The following GRID1 variants were observed in gnomAD, a reference collection of about 807,000 sequenced individuals.
GRID1 encodes the protein glutamate receptor ionotropic, delta-1.
GRID1 carries 28 observed loss-of-function variants against 98.0 expected under a neutral mutation model. The ratio of observed to expected loss-of-function variants is 0.29; its 90% CI spans 0.21 to 0.39. GRID1 has a LOEUF of 0.39. Among genes scored for constraint, GRID1 ranks in the 10% least tolerant of loss-of-function variants. The pLI is 1.00. For synonymous variants in GRID1, 553 were observed against 538.5 expected (o/e 1.03, Z -0.37); for missense variants, 1,111 against 1,340.5 (o/e 0.83, Z 2.67).
chr10:85,825,399 C>G (rs1221842992), intron 8 of GRID1, among the ~76,000 whole-genome samples: 2 of 148,924 alleles, frequency 1.3e-5, no homozygotes, highest in East Asian at 3.9e-4. Context: ...TTTTTTCTTG[C>G]TGATTTATTT....
At chr10:86,068,059 GTGTTAGACACTT>G (rs1402235393) in intron 4 of GRID1, among the ~76,000 whole-genome samples, 1 of 152,220 alleles carries the variant, frequency 6.6e-6, no homozygotes. Context: ...GCCTGGCTCT[GTGTTAGACACTT>G]TCCATTCACT....
chr10:86,301,824 A>G (rs182313303), intron 2 of GRID1, among the ~76,000 whole-genome samples: 73 of 152,366 alleles, frequency 4.8e-4, no homozygotes, highest in African/African-American at 1.7e-3. Context: ...CAGTACTATT[A>G]AAAAGAGCAG....
chr10:86,049,361 A>G (rs556414393), intron 4 of GRID1, among the ~76,000 whole-genome samples: 1 of 152,284 alleles, frequency 6.6e-6, no homozygotes, highest in South Asian at 2.1e-4. Context: ...ACTTGACCCA[A>G]CGTTCCAGCA....
chr10:85,701,784 G>A (rs568025823), intron 12 of GRID1, among the ~76,000 whole-genome samples: 20 of 152,228 alleles, frequency 1.3e-4, no homozygotes, highest in Admixed American at 3.9e-4. Context: ...GCTATGAGGA[G>A]GAAAAACATA....
chr10:86,154,410 A>G (rs1355565387), intron 3 of GRID1, among the ~76,000 whole-genome samples: 1 of 152,082 alleles, frequency 6.6e-6, no homozygotes, highest in Admixed American at 6.5e-5. Flanking sequence ...AGGAGGTCTG[A>G]TTCTGTCCAG....
chr10:85,904,019 A>G (rs930185334), intron 5 of GRID1, among the ~76,000 whole-genome samples: 16 of 152,218 alleles, frequency 1.1e-4, no homozygotes, highest in African/African-American at 3.9e-4. Flanking sequence ...TTTTTGCCTT[A>G]CATGATTGTA....
chr10:85,740,814 C>T (rs368624980), intron 8 of GRID1, among the ~76,000 whole-genome samples: 2 of 151,678 alleles, frequency 1.3e-5, no homozygotes, highest in East Asian at 1.9e-4. Flanking sequence ...TGCAGTGGCA[C>T]GATCTTAGCT....
Position 85,789,417 on chromosome 10 carries a change from T to C in GRID1, c.1234-59803A>G, listed in dbSNP as rs962774857. ...TGGGCAGCACTATCCAGGAGAATCATGGATAATATAGAGGTGTCTCTCTCC... is the reference window on the plus strand; with the variant it reads ...TGGGCAGCACTATCCAGGAGAATCACGGATAATATAGAGGTGTCTCTCTCC... On this transcript the variant is annotated intron_variant, in intron 8 of 15. Transcript: ENST00000327946. 4.6e-5 allele frequency among the ~76,000 whole-genome samples: 7 copies of C among 152,036 alleles called. No homozygotes were observed. In the East Asian group the frequency reaches 5.8e-4, roughly 13 times the overall value.
At chr10:85,671,066 G>A (rs1365467934) in intron 12 of GRID1, among the ~76,000 whole-genome samples, 1 of 152,114 alleles carries the variant, frequency 6.6e-6, no homozygotes, top group East Asian at 1.9e-4. Context: ...CAAATATAAA[G>A]TCTTAGTACT....
chr10:85,730,770 T>C (rs537102296), intron 8 of GRID1, among the ~76,000 whole-genome samples: 7 of 152,244 alleles, frequency 4.6e-5, no homozygotes, highest in African/African-American at 1.7e-4. Context: ...CAAACTATGA[T>C]ATCCACACAA....
At chr10:85,735,348 T>C (rs912998969) in intron 8 of GRID1, among the ~76,000 whole-genome samples, 4 of 152,184 alleles carry the variant, frequency 2.6e-5, no homozygotes, top group African/African-American at 9.6e-5. Flanking sequence ...GAAATGTGGA[T>C]GGAGCCAGAG....
chr10:86,269,704 C>T (rs1217756333), intron 2 of GRID1, among the ~76,000 whole-genome samples: 1 of 152,178 alleles, frequency 6.6e-6, no homozygotes, highest in Non-Finnish European at 1.5e-5. Context: ...TCTCAATTCC[C>T]AAGCTGGACT....
intron 2 of GRID1, among the ~76,000 whole-genome samples, chr10:86,269,427 AC>A (rs1222324221): frequency 6.6e-6 from 1 of 152,204 alleles, no homozygotes; most frequent in Admixed American, 6.5e-5. Context: ...CAAGTTATGC[AC>A]CCAGCTCCCT....
chr10:86,020,038 A>G (rs1843029578), intron 4 of GRID1, among the ~76,000 whole-genome samples: 1 of 152,238 alleles, frequency 6.6e-6, no homozygotes, highest in African/African-American at 2.4e-5. Flanking sequence ...GACGTCATAT[A>G]TCACCTAAGC....
At chr10:86,356,147 G>T (rs1477111739) in intron 2 of GRID1, among the ~76,000 whole-genome samples, 1 of 152,218 alleles carries the variant, frequency 6.6e-6, no homozygotes, top group African/African-American at 2.4e-5. Flanking sequence ...CCCAGCCTAG[G>T]CTGGGGACCC....
At chr10:85,736,078 G>A (rs1841878889) in intron 8 of GRID1, among the ~76,000 whole-genome samples, 1 of 112,692 alleles carries the variant, frequency 8.9e-6, no homozygotes, top group Non-Finnish European at 1.8e-5. Flanking sequence ...GGGAAGGAAG[G>A]AGAGAAGGAA....
At chr10:85,816,175 G>T (rs1008788665) in intron 8 of GRID1, among the ~76,000 whole-genome samples, 7 of 151,952 alleles carry the variant, frequency 4.6e-5, no homozygotes, top group Admixed American at 6.6e-5. Flanking sequence ...CTACTTCAAG[G>T]TATACATCCA....
At chr10:85,944,815 T>C (rs1048660849) in intron 4 of GRID1, among the ~76,000 whole-genome samples, 1 of 132,342 alleles carries the variant, frequency 7.6e-6, no homozygotes, top group Non-Finnish European at 1.7e-5. Flanking sequence ...TGTGATTTAC[T>C]GTAGAGTTTT....
chr10:85,939,931 G>A (rs1233050876), intron 4 of GRID1, among the ~76,000 whole-genome samples: 1 of 152,034 alleles, frequency 6.6e-6, no homozygotes, highest in Non-Finnish European at 1.5e-5. Flanking sequence ...GCTGGGCATG[G>A]TGGTGCACAC....
Sources: gnomAD v4.1 joint callset for allele counts (sites outside exome capture counted in the v4.1 genomes callset) on GRCh38, gnomAD v4.1.1 for gene constraint, MANE v1.5 for transcripts, NCBI Gene and HGNC (gene_info 2026-07-23, HGNC 2026-07-21) for gene names.